IGSF21: variants seen among roughly 807,000 people sequenced by gnomAD.
IGSF21 encodes the protein immunoglobulin superfamily member 21.
IGSF21 carries 28 observed loss-of-function variants against 46.8 expected under a neutral mutation model. That is an observed-to-expected ratio of 0.60 (90% CI 0.44 to 0.82). The LOEUF (loss-of-function observed/expected upper bound fraction) is 0.82, where lower values mean the gene tolerates loss of function less well. Among genes scored for constraint, IGSF21 ranks in the 40% least tolerant of loss-of-function variants. IGSF21 has a pLI of 0.00. For missense variants in IGSF21, 624 were observed against 665.5 expected (o/e 0.94, Z 0.69); for synonymous variants, 284 against 273.6 (o/e 1.04, Z -0.38).
chr1:18,183,847 A>C (rs919493819), intron 1 of IGSF21, among the ~76,000 whole-genome samples: 2 of 152,154 alleles, frequency 1.3e-5, no homozygotes, highest in Admixed American at 1.3e-4. Flanking sequence ...GAAATGCAGA[A>C]GGGAGGGTCC....
intron 4 of IGSF21, among the ~76,000 whole-genome samples, chr1:18,347,048 G>T (rs1020022487): frequency 6.6e-6 from 1 of 152,212 alleles, no homozygotes; most frequent in Non-Finnish European, 1.5e-5. Context: ...TGGGTTTGGG[G>T]CTCGGAGGAG....
At chr1:18,292,816 G>A (rs1334981702) in intron 3 of IGSF21, among the ~76,000 whole-genome samples, 1 of 152,158 alleles carries the variant, frequency 6.6e-6, no homozygotes, top group Admixed American at 6.5e-5. Context: ...CTGGTCGGCT[G>A]CAACTGCCCC....
chr1:18,212,179 C>G (rs528090979), intron 1 of IGSF21, among the ~76,000 whole-genome samples: 1 of 152,380 alleles, frequency 6.6e-6, no homozygotes, highest in South Asian at 2.1e-4. Flanking sequence ...TGGTCCTTGC[C>G]TGGGCCATCT....
chr1:18,273,039 CTTTTTTTT>C (rs760448516), intron 2 of IGSF21, among the ~76,000 whole-genome samples: 2 of 80,722 alleles, frequency 2.5e-5, no homozygotes, highest in Admixed American at 1.4e-4. Context: ...CCAGACGGAT[CTTTTTTTT>C]TTTTTTTTTT....
intron 3 of IGSF21, among the ~76,000 whole-genome samples, chr1:18,324,182 A>C (rs1377928594): frequency 6.6e-6 from 1 of 152,226 alleles, no homozygotes; most frequent in Non-Finnish European, 1.5e-5. Flanking sequence ...GACCCCAGGC[A>C]GTGGGCTCCC....
chr1:18,324,772 C>A (rs1010448610), intron 3 of IGSF21, among the ~76,000 whole-genome samples: 1 of 152,204 alleles, frequency 6.6e-6, no homozygotes, highest in Admixed American at 6.5e-5. Flanking sequence ...CCACCCCTCC[C>A]GGAGGAAGTG....
chr1:18,319,303 A>G (rs1243512653), intron 3 of IGSF21, among the ~76,000 whole-genome samples: 2 of 152,228 alleles, frequency 1.3e-5, no homozygotes, highest in Non-Finnish European at 2.9e-5. Flanking sequence ...CCCCTCCTAT[A>G]AGAACCCTTT....
At chr1:18,375,211 G>C (rs1214790066) in intron 6 of IGSF21, among the ~76,000 whole-genome samples, 1 of 152,228 alleles carries the variant, frequency 6.6e-6, no homozygotes, top group South Asian at 2.1e-4. Flanking sequence ...CCCTACTGAA[G>C]TGGGAGCTCC....
intron 1 of IGSF21, among the ~76,000 whole-genome samples, chr1:18,122,193 C>CTTTTTTTTTTTTT (rs766563472): frequency 5.1e-5 from 4 of 78,764 alleles, no homozygotes; most frequent in Admixed American, 3.3e-4. Context: ...TTCTTTCTTT[C>CTTTTTTTTTTTTT]TTTTTTTTTT....
chr1:18,235,617 G>T (rs989021659), intron 2 of IGSF21, among the ~76,000 whole-genome samples: 1 of 152,220 alleles, frequency 6.6e-6, no homozygotes, highest in Non-Finnish European at 1.5e-5. Context: ...AACAGAAAGT[G>T]CATGTGGCTG....
Position 18,290,455 on chromosome 1 carries a change from G to C in IGSF21, c.184-1411G>C, listed in dbSNP as rs887449742. Among the ~76,000 whole-genome samples, 7 of 152,128 alleles carry C rather than the reference G, an allele frequency of 4.6e-5. No homozygotes were observed. Among genetic ancestry groups the C allele is most frequent in the Non-Finnish European group, 8.8e-5 (6 of 68,004 alleles). On this transcript the variant is annotated intron_variant, in intron 2 of 9. Coordinates refer to ENST00000251296, the MANE Select transcript of IGSF21 (RefSeq NM_032880.5). This position sits in a 1 kb window ranked among gnomAD's most constrained non-coding sequence, Gnocchi z 4.2. ...TCTCAGGGTCCCAGAGCCTGCGAAGGCCTTCTCATGATTCTAACCATCCCC... is the reference window on the plus strand; with the variant it reads ...TCTCAGGGTCCCAGAGCCTGCGAAGCCCTTCTCATGATTCTAACCATCCCC...
intron 2 of IGSF21, among the ~76,000 whole-genome samples, chr1:18,260,996 G>A (rs74056572): frequency 0.022 from 3,354 of 152,298 alleles, 113 homozygotes; most frequent in African/African-American, 0.064. Context: ...GGGGGACATC[G>A]CTTTGCCTCG....
chr1:18,126,692 A>G (rs1309678125), intron 1 of IGSF21, among the ~76,000 whole-genome samples: 1 of 151,902 alleles, frequency 6.6e-6, no homozygotes, highest in African/African-American at 2.4e-5. Flanking sequence ...CCCTCATGGG[A>G]GCCCTGAATT....
At chr1:18,309,430 C>G (rs1024787336) in intron 3 of IGSF21, among the ~76,000 whole-genome samples, 1 of 152,120 alleles carries the variant, frequency 6.6e-6, no homozygotes, top group African/African-American at 2.4e-5. Context: ...ATGCCCTCCC[C>G]TAGGTTAGGC....
chr1:18,309,087 G>A (rs899493078), intron 3 of IGSF21, among the ~76,000 whole-genome samples: 12 of 151,358 alleles, frequency 7.9e-5, no homozygotes, highest in African/African-American at 2.2e-4. Flanking sequence ...CATACTCCCC[G>A]CCCCCAGCTT....
chr1:18,298,654 G>T (rs1254927722), intron 3 of IGSF21, among the ~76,000 whole-genome samples: 2 of 152,200 alleles, frequency 1.3e-5, no homozygotes, highest in East Asian at 3.9e-4. Context: ...GAAAAAAAGA[G>T]GCTGAGAATG....
At chr1:18,312,911 C>A (rs2085502665) in intron 3 of IGSF21, among the ~76,000 whole-genome samples, 1 of 152,230 alleles carries the variant, frequency 6.6e-6, no homozygotes, top group South Asian at 2.1e-4. Flanking sequence ...CTCTGTTGGA[C>A]AGTGACCTTG....
intron 3 of IGSF21, among the ~76,000 whole-genome samples, chr1:18,309,378 C>A (rs1054446081): frequency 5.3e-5 from 8 of 152,122 alleles, no homozygotes; most frequent in African/African-American, 1.9e-4. Context: ...CCACTGTTAA[C>A]CCCATTTCAC....
Position 18,365,370 on chromosome 1 carries a change from T to C in IGSF21, c.688T>C (p.Ser230Pro), listed in dbSNP as rs140083709. Residue 230 changes from serine to proline, a missense_variant, in exon 6 of 10, where the codon TCC (serine) becomes CCC (proline). Physicochemically the swap from Ser to Pro is moderately conservative, Grantham distance 74. Transcript: ENST00000251296. The surrounding 1 kb of genome is among the most constrained non-coding windows in gnomAD (Gnocchi z 4.8). ...TGACACCAAGATGCAGAAGTCACTG[T>C]CCCTCCTGGACGCCGAGAACCGGGG... ...LDDTKMQKSL[S>P]LLDAENRGGR... is the part of the protein sequence containing the mutation. The C allele has an allele frequency of 5.3e-5, 86 of 1,613,746 alleles. No individual in the cohort carries two copies. In the African/African-American group the frequency reaches 1.1e-3, roughly 21 times the overall value.
Sources: gnomAD v4.1 joint callset for allele counts (sites outside exome capture counted in the v4.1 genomes callset) on GRCh38, gnomAD v4.1.1 for gene constraint, Gnocchi (gnomAD v3.1) non-coding constraint, MANE v1.5 for transcripts, NCBI Gene and HGNC (gene_info 2026-07-23, HGNC 2026-07-21) for gene names.